NYAP2: variants seen among roughly 807,000 people sequenced by gnomAD.
The protein encoded by NYAP2 is neuronal tyrosine-phosphorylated phosphoinositide-3-kinase adaptor 2, also known as neuronal tyrosine-phosphorylated phosphoinositide-3-kinase adapter 2.
In NYAP2, 23 loss-of-function variants were observed where a neutral mutation model predicts 50.4. The observed-to-expected ratio is 0.46, with a 90% CI of 0.33 to 0.65. The LOEUF (loss-of-function observed/expected upper bound fraction) is 0.65, where lower values mean the gene tolerates loss of function less well. Ranked by LOEUF, NYAP2 falls within the 30% of genes least tolerant of loss-of-function variation. The pLI is 0.02. For missense variants in NYAP2, 885 were observed against 861.0 expected, an observed-to-expected ratio of 1.03 and a Z score of -0.35; for synonymous variants, 394 against 365.2, an observed-to-expected ratio of 1.08 and a Z score of -0.90.
At chr2:225,700,715 G>A in the NYAP2 span, 1 of 151,778 alleles carries the variant, frequency 6.6e-6, no homozygotes, top group Admixed American at 6.6e-5. Context: ...GCTCAGTATG[G>A]TGATGATTAA....
chr2:225,595,328 C>A (rs1463360420), intron 5 of NYAP2, among the ~76,000 whole-genome samples: 2 of 152,094 alleles, frequency 1.3e-5, no homozygotes, highest in Non-Finnish European at 2.9e-5. Context: ...GTTCCCATGT[C>A]ACAACTAAGA....
intron 5 of NYAP2, among the ~76,000 whole-genome samples, chr2:225,609,097 C>G (rs139809272): frequency 1.9e-3 from 282 of 152,132 alleles, no homozygotes; most frequent in Admixed American, 5.4e-3. Flanking sequence ...ACTCCCAGTC[C>G]CTGTAAGATA....
chr2:225,521,869 C>A (rs1691065450), intron 4 of NYAP2, among the ~76,000 whole-genome samples: 1 of 152,014 alleles, frequency 6.6e-6, no homozygotes, highest in Admixed American at 6.6e-5. Flanking sequence ...CTCCTTGTAC[C>A]TCTGGTAGAA....
the NYAP2 span, among the ~76,000 whole-genome samples, chr2:225,664,718 C>CAA: frequency 6.6e-5 from 10 of 151,354 alleles, no homozygotes; most frequent in African/African-American, 1.5e-4. Flanking sequence ...ACTAAAAATA[C>CAA]AAAAAAAATT....
At chr2:225,577,155 A>G (rs1416244445) in intron 4 of NYAP2, among the ~76,000 whole-genome samples, 1 of 152,236 alleles carries the variant, frequency 6.6e-6, no homozygotes, top group African/African-American at 2.4e-5. Context: ...TTGTGCTCAC[A>G]TAGCTCATTT....
intron 4 of NYAP2, among the ~76,000 whole-genome samples, chr2:225,538,903 T>G (rs965258440): frequency 6.6e-6 from 1 of 151,162 alleles, no homozygotes; most frequent in Non-Finnish European, 1.5e-5. Flanking sequence ...CATGCAGGCT[T>G]GTCACATAGG....
At chr2:225,441,946 T>C (rs932989757) in intron 3 of NYAP2, among the ~76,000 whole-genome samples, 1 of 152,176 alleles carries the variant, frequency 6.6e-6, no homozygotes, top group African/African-American at 2.4e-5. Flanking sequence ...TAGTAAACAG[T>C]CGTCACTCCA....
the NYAP2 span, chr2:225,698,340 T>C: frequency 6.6e-6 from 1 of 152,366 alleles, no homozygotes; most frequent in African/African-American, 2.4e-5. Flanking sequence ...AGTGGTTTCA[T>C]GGAGACCATA....
rs1299134683 is a variant in NYAP2, at chr2:225,566,185, T to C, written c.524-15756T>C. Among the ~76,000 whole-genome samples, 3 of 152,210 alleles carry C rather than the reference T, an allele frequency of 2.0e-5. No homozygotes were observed. The East Asian group carries it at 5.8e-4, about 29-fold the overall frequency. ...AATAAAGCATTTGATAAATAGTGGC[T>C]ATTATTATGCATTATTATCATTATT... On this transcript the variant is annotated intron_variant, in intron 4 of 6. Coordinates refer to ENST00000636099, the Ensembl canonical transcript of NYAP2.
intron 4 of NYAP2, among the ~76,000 whole-genome samples, chr2:225,560,265 C>T (rs891223958): frequency 1.3e-5 from 2 of 151,976 alleles, no homozygotes; most frequent in Non-Finnish European, 2.9e-5. Flanking sequence ...ATTTTTATTG[C>T]AGAGTACTTT....
chr2:225,581,293 A>G (rs1431194268), intron 4 of NYAP2, among the ~76,000 whole-genome samples: 5 of 152,210 alleles, frequency 3.3e-5, no homozygotes, highest in Admixed American at 3.3e-4. Flanking sequence ...AAGAACAAAA[A>G]CAGACAAATA....
At chr2:225,626,033 G>A (rs1366317633) in intron 5 of NYAP2, among the ~76,000 whole-genome samples, 1 of 152,112 alleles carries the variant, frequency 6.6e-6, no homozygotes, top group African/African-American at 2.4e-5. Context: ...GATAGATTTG[G>A]GCATTATCAC....
intron 5 of NYAP2, among the ~76,000 whole-genome samples, chr2:225,619,751 G>C (rs902081723): frequency 1.3e-5 from 2 of 152,180 alleles, no homozygotes; most frequent in Non-Finnish European, 2.9e-5. Context: ...CCTGGAGAGA[G>C]TGTTTGCTCA....
intron 3 of NYAP2, among the ~76,000 whole-genome samples, chr2:225,478,005 G>T (rs1286317216): frequency 6.6e-6 from 1 of 152,152 alleles, no homozygotes; most frequent in Non-Finnish European, 1.5e-5. Context: ...GAGATGTTAG[G>T]TCATAAGGGA....
chr2:225,633,669 A>G (rs911834568), intron 6 of NYAP2, among the ~76,000 whole-genome samples: 1 of 152,160 alleles, frequency 6.6e-6, no homozygotes, highest in African/African-American at 2.4e-5. Context: ...TCAGGACTCA[A>G]TGATGGAAAT....
intron 3 of NYAP2, among the ~76,000 whole-genome samples, chr2:225,409,755 A>T (rs1179407812): frequency 6.6e-6 from 1 of 152,096 alleles, no homozygotes; most frequent in Non-Finnish European, 1.5e-5. Context: ...CACCAAAAGA[A>T]GAATGCATAT....
intron 5 of NYAP2, among the ~76,000 whole-genome samples, chr2:225,615,610 G>A (rs967983165): frequency 6.6e-6 from 1 of 152,170 alleles, no homozygotes; most frequent in Non-Finnish European, 1.5e-5. Flanking sequence ...GTGTTACAGT[G>A]AGAGGTGAAC....
At chr2:225,671,413 G>A in the NYAP2 span, among the ~76,000 whole-genome samples, 1 of 152,152 alleles carries the variant, frequency 6.6e-6, no homozygotes. Flanking sequence ...AACTCATCAT[G>A]TGTTCAAGTT....
At chr2:225,512,356 T>C (rs1690834676) in intron 3 of NYAP2, among the ~76,000 whole-genome samples, 2 of 152,222 alleles carry the variant, frequency 1.3e-5, no homozygotes, top group Non-Finnish European at 2.9e-5. Context: ...TGCTGTTTTA[T>C]TTTGTGTGTC....
Sources: gnomAD v4.1 joint callset for allele counts (sites outside exome capture counted in the v4.1 genomes callset) on GRCh38, gnomAD v4.1.1 for gene constraint, MANE v1.5 for transcripts, NCBI Gene and HGNC (gene_info 2026-07-23, HGNC 2026-07-21) for gene names.